NBPF12: variants seen among roughly 807,000 people sequenced by gnomAD.
The protein encoded by NBPF12 is NBPF family member NBPF12.
In NBPF12, 115 loss-of-function variants were observed where a neutral mutation model predicts 146.4. That is an observed-to-expected ratio of 0.79 (90% confidence interval 0.68 to 0.92). NBPF12 has a LOEUF of 0.92. Ranked by LOEUF, NBPF12 falls within the 40% of genes least tolerant of loss-of-function variation. The probability of loss-of-function intolerance (pLI) is 0.00; values close to 1 mark genes in which losing one functional copy is unlikely to be tolerated. For synonymous variants in NBPF12, 385 were observed against 508.9 expected (o/e 0.76, Z 3.28); for missense variants, 1,205 against 1,326.8 (o/e 0.91, Z 1.43).
chr1:146,992,513 T>C (rs1658262301), intron 31 of NBPF12, among the ~76,000 whole-genome samples, 199 bp from the exon 35 acceptor site: 2 of 125,380 alleles, frequency 1.6e-5, no homozygotes, highest in Non-Finnish European at 3.2e-5. Flanking sequence ...TGTGTGTGTG[T>C]CTATCTGTCT....
intron 1 of NBPF12, among the ~76,000 whole-genome samples, chr1:146,942,356 AT>A (rs1443601605): frequency 2.7e-5 from 4 of 150,626 alleles, no homozygotes; most frequent in African/African-American, 9.8e-5. Flanking sequence ...TACAGCTATT[AT>A]TTGTAAATAT....
intron 2 of NBPF12, among the ~76,000 whole-genome samples, chr1:146,955,100 C>A (rs1655526198): frequency 1.0e-5 from 1 of 98,436 alleles, no homozygotes; most frequent in African/African-American, 3.7e-5. Flanking sequence ...ATAGATACTT[C>A]AGAAAAGAAG....
At position 146,974,409 on chromosome 1, in the gene NBPF12, G is replaced by C. The variant is rs1553887055; in HGVS notation, c.1802-330G>C. ...CTTCATGCCCCAGTGCAGTGTTTTA[G>C]AGGAGAGGCTGCAAGTCTTGGGAAA... On this transcript the variant is annotated intron_variant, in intron 14 of 33. Coordinates refer to ENST00000617844, the Ensembl canonical transcript of NBPF12. 5.4e-4 allele frequency among the ~76,000 whole-genome samples: 74 copies of C among 137,686 alleles called. 8 individuals are homozygous for C. Among genetic ancestry groups the C allele is most frequent in the African/African-American group, 1.9e-3 (67 of 35,378 alleles). The allele number at this position is 137,686 out of a possible 152,430, so 90.3% of individuals were successfully genotyped here.
intron 10 of NBPF12, 51 bp from the exon 14 acceptor site, chr1:146,969,331 G>T: frequency 1.5e-6 from 1 of 666,936 alleles, no homozygotes; most frequent in Non-Finnish European, 2.6e-6. Context: ...ATATTTGAAC[G>T]GATCACTCAA....
rs1294656183 is a variant in NBPF12 at position 146,983,017 on chromosome 1, C to A, written c.2540C>A (p.Ala847Asp). The change falls in exon 20 of 34, where the codon GCC (alanine) becomes GAC (aspartate). Residue 847 changes from alanine (A) to aspartate (D), a missense_variant. This residue lies in a region of NBPF12 where 49 missense variants were observed against 49.9 expected (regional missense o/e 0.98). Transcript: ENST00000617844. ...CTCTCAATTCCTCCTGAAAGGTTGGCCTCATACCAGTCTTACAGCAGCACA... is the reference window on the plus strand; with the variant it reads ...CTCTCAATTCCTCCTGAAAGGTTGGACTCATACCAGTCTTACAGCAGCACA... 4.8e-5 allele frequency: 77 copies of A among 1,609,188 alleles called. 1 individual carries two copies. Among genetic ancestry groups the A allele is most frequent in the Non-Finnish European group, 6.5e-5 (77 of 1,179,714 alleles).
rs1187524068 is a variant in NBPF12, at chr1:146,978,260, ATTT to A, written c.2398+609_2398+611del. On this transcript the variant is annotated intron_variant, in intron 18 of 33. Transcript: ENST00000617844. ...CCAATGTTTGTTTGTAGCGTCGTAGATTTTTTTTTTTTTTTTTTTTTTGCGATG... is the reference window on the plus strand; with the variant it reads ...CCAATGTTTGTTTGTAGCGTCGTAGATTTTTTTTTTTTTTTTTTTGCGATG... Among the ~76,000 whole-genome samples the A allele has an allele frequency of 4.1e-3, 339 of 83,328 alleles. 1 individual carries two copies. Among genetic ancestry groups the A allele is most frequent in the Middle Eastern group, 0.011 (1 of 92 alleles). 54.7% of individuals were successfully genotyped at this position (83,328 alleles called of 152,430 possible). A position where few individuals can be genotyped will look rare whatever the true frequency, so the allele number is the denominator to read the frequency against.
upstream of NBPF12, among the ~76,000 whole-genome samples, chr1:146,938,439 C>G (rs1654629425): frequency 6.6e-6 from 1 of 152,114 alleles, no homozygotes; most frequent in Non-Finnish European, 1.5e-5. Flanking sequence ...AGGGGCGGTT[C>G]AAGTGGCCGG....
rs1331327433 is a variant in NBPF12 at position 146,970,102 on chromosome 1, G to C, written c.1306+506G>C. Among the ~76,000 whole-genome samples the C allele has an allele frequency of 4.7e-5, 7 of 150,536 alleles. No individual in the cohort carries two copies. The East Asian group carries it at 1.2e-3, about 25-fold the overall frequency. On this transcript the variant is annotated intron_variant, in intron 11 of 33. Coordinates refer to ENST00000617844, the Ensembl canonical transcript of NBPF12. ...TTCAAAATGAGATGAAGCCCCTCTC[G>C]GTGTGGTGTTGGGGAAGGCACTTGA...
At chr1:146,947,901 T>C (rs1655143484), upstream of NBPF12, among the ~76,000 whole-genome samples, 1 of 151,978 alleles carries the variant, frequency 6.6e-6, no homozygotes, top group African/African-American at 2.4e-5. Context: ...TACCAAACCT[T>C]GTCTGGTGAG....
In NBPF12 at chr1:146,992,424, A is replaced by T. The variant is rs1253447380; in HGVS notation, c.3849-288A>T. Among the ~76,000 whole-genome samples the T allele has an allele frequency of 7.5e-4, 96 of 127,734 alleles. 3 individuals are homozygous for T. Among genetic ancestry groups the T allele is most frequent in the African/African-American group, 2.9e-3 (93 of 31,910 alleles). 83.8% of individuals were successfully genotyped at this position (127,734 alleles called of 152,430 possible). ...CATCAGTGTGTCACCTGGACAATTC[A>T]CTGAGCTCGTTCTCTCTCTCTCTCT... On this transcript the variant is annotated intron_variant, in intron 31 of 33. Transcript: ENST00000617844.
chr1:146,952,426 C>T (rs1451856984), intron 2 of NBPF12, among the ~76,000 whole-genome samples: 4 of 152,064 alleles, frequency 2.6e-5, no homozygotes, highest in African/African-American at 9.7e-5. Context: ...CTGTACCAGC[C>T]CCAATGCCGT....
At chr1:146,944,977 TCCC>T (rs1570811043), upstream of NBPF12, among the ~76,000 whole-genome samples, 3 of 71,982 alleles carry the variant, frequency 4.2e-5, no homozygotes, top group East Asian at 1.6e-3. Context: ...CCTCCCTCCC[TCCC>T]TGCCTTCCTT....
intron 1 of NBPF12, among the ~76,000 whole-genome samples, chr1:146,940,017 T>C (rs1479938211): frequency 1.3e-5 from 2 of 151,804 alleles, no homozygotes; most frequent in East Asian, 3.9e-4. Flanking sequence ...TGCAGTGGTA[T>C]CTTTTCTTTG....
At chr1:146,939,609 T>C (rs1322482241) in intron 1 of NBPF12, among the ~76,000 whole-genome samples, 2 of 151,990 alleles carry the variant, frequency 1.3e-5, no homozygotes, top group Admixed American at 1.3e-4. Flanking sequence ...TCTGTGCCTG[T>C]CTGTCTTTCT....
intron 13 of NBPF12, among the ~76,000 whole-genome samples, chr1:146,971,742 A>G (rs1163183751): frequency 2.0e-5 from 3 of 150,746 alleles, no homozygotes; most frequent in Non-Finnish European, 4.4e-5. Context: ...CACTCCTCTC[A>G]GGCTAGACTC....
chr1:146,955,013 T>TATATACAC (rs1411814328), intron 2 of NBPF12, among the ~76,000 whole-genome samples: 6 of 67,458 alleles, frequency 8.9e-5, no homozygotes, highest in East Asian at 9.5e-4. Context: ...TATATATATA[T>TATATACAC]ACACACACAC....
chr1:146,958,082 C>A (rs1655686396), intron 2 of NBPF12, among the ~76,000 whole-genome samples: 1 of 117,316 alleles, frequency 8.5e-6, no homozygotes, highest in Non-Finnish European at 1.8e-5. Context: ...TGGTTTGCTG[C>A]ACCCATTAAC....
chr1:146,964,868 A>G (rs1656090622), intron 7 of NBPF12, 25 bp from the exon 11 acceptor site: 6 of 1,547,892 alleles, frequency 3.9e-6, no homozygotes, highest in East Asian at 2.2e-5. Flanking sequence ...ATCTTCTGTC[A>G]TCTCTGTCCC....
chr1:146,938,498 C>T (rs1468478597), upstream of NBPF12, among the ~76,000 whole-genome samples: 1 of 152,080 alleles, frequency 6.6e-6, no homozygotes, highest in African/African-American at 2.4e-5. Context: ...GAAAGAGAGG[C>T]GGAGGGGAGA....
Sources: allele counts gnomAD v4.1 joint callset (sites outside exome capture counted in the v4.1 genomes callset), GRCh38; gene constraint gnomAD v4.1.1; regional missense constraint gnomAD v4.1.1; transcripts MANE v1.5; gene names NCBI Gene and HGNC (gene_info 2026-07-23, HGNC 2026-07-21).